Variants in ZNF717 observed in about 807,000 individuals in gnomAD.
ZNF717 encodes zinc finger protein 717.
ZNF717 carries 9 observed loss-of-function variants against 13.8 expected under a neutral mutation model. The observed-to-expected ratio is 0.65, with a 90% confidence interval of 0.39 to 1.14. The LOEUF (loss-of-function observed/expected upper bound fraction) is 1.14, where lower values mean the gene tolerates loss of function less well. Among genes scored for constraint, ZNF717 ranks in the 50% most tolerant of loss-of-function variants. The pLI, the probability that ZNF717 is intolerant of heterozygous loss-of-function variation, is 0.01. For synonymous variants in ZNF717, 327 were observed against 364.1 expected (o/e 0.90, Z 1.16); for missense variants, 1,040 against 1,080.7 (o/e 0.96, Z 0.53).
At chr3:75,764,641 C>T (rs868855214) in intron 2 of ZNF717, among the ~76,000 whole-genome samples, 2 of 152,174 alleles carry the variant, frequency 1.3e-5, no homozygotes, top group Non-Finnish European at 2.9e-5. Flanking sequence ...AGATGATATA[C>T]AAATAGCCAA....
intron 2 of ZNF717, among the ~76,000 whole-genome samples, chr3:75,779,436 T>C (rs1232539174): frequency 6.7e-6 from 1 of 149,704 alleles, no homozygotes; most frequent in African/African-American, 2.5e-5. Flanking sequence ...GGGAGTGATG[T>C]GCTAAAACCG....
At chr3:75,724,277 A>C (rs74219523) in intron 4 of ZNF717, among the ~76,000 whole-genome samples, 6 of 148,910 alleles carry the variant, frequency 4.0e-5, no homozygotes, top group African/African-American at 1.5e-4. Flanking sequence ...CCGGGCCCAA[A>C]TGTCTTTTCC....
chr3:75,739,387 T>C (rs547535176), intron 4 of ZNF717, 42 bp from the exon 5 acceptor site: 2 of 1,395,796 alleles, frequency 1.4e-6, no homozygotes, highest in Admixed American at 3.1e-5. Flanking sequence ...CACATGAGCA[T>C]GTCTTACAGA....
At chr3:75,701,263 T>C (rs1937689929) in intron 6 of ZNF717, among the ~76,000 whole-genome samples, 2 of 152,416 alleles carry the variant, frequency 1.3e-5, no homozygotes, top group Non-Finnish European at 2.9e-5. Context: ...ATACATGCTC[T>C]CGTCTGGTGT....
In ZNF717 at chr3:75,737,220, G is replaced by A. The variant is rs2107025768; in HGVS notation, c.2403C>T (p.Leu801=). ...CRKTFYDKTV[L]TIHQRTHTGE... ...CTGTGTGAGTTCTCTGATGTATGGT[G>A]AGAACTGTCTTATCGTAAAAAGTTT... The change falls in exon 5 of 5, where the codon CTC becomes CTT. Residue 801 remains leucine, a synonymous_variant. Coordinates refer to ENST00000652011, the MANE Select transcript of ZNF717 (RefSeq NM_001290208.3). The A allele has an allele frequency of 4.5e-6, 7 of 1,553,698 alleles. No homozygotes were observed. The highest frequency in any genetic ancestry group is 6.1e-6 in the Non-Finnish European group (7 of 1,148,340).
chr3:75,765,149 A>G (rs1475857191), intron 2 of ZNF717, among the ~76,000 whole-genome samples: 7 of 151,726 alleles, frequency 4.6e-5, no homozygotes, highest in Non-Finnish European at 8.8e-5. Flanking sequence ...ACAAAACAAC[A>G]AATATTATAT....
At chr3:75,768,501 G>A (rs1559669844) in intron 2 of ZNF717, among the ~76,000 whole-genome samples, 1 of 148,694 alleles carries the variant, frequency 6.7e-6, no homozygotes. Flanking sequence ...CAGATGACAG[G>A]CCACCACAAC....
At chr3:75,703,545 T>A (rs1937739316) in intron 6 of ZNF717, among the ~76,000 whole-genome samples, 1 of 151,552 alleles carries the variant, frequency 6.6e-6, no homozygotes, top group African/African-American at 2.4e-5. Context: ...ATAATAATAA[T>A]AAATAAATAA....
intron 2 of ZNF717, among the ~76,000 whole-genome samples, chr3:75,755,946 G>A (rs1205862774): frequency 6.6e-6 from 1 of 152,250 alleles, no homozygotes; most frequent in Non-Finnish European, 1.5e-5. Flanking sequence ...GAGATTGTCA[G>A]AGTCTATCAA....
chr3:75,718,235 T>A (rs1427809269), intron 4 of ZNF717, among the ~76,000 whole-genome samples: 1 of 151,964 alleles, frequency 6.6e-6, no homozygotes, highest in African/African-American at 2.4e-5. Flanking sequence ...CCAGGCCAAG[T>A]GGGTTCTAGC....
intron 6 of ZNF717, among the ~76,000 whole-genome samples, chr3:75,695,749 A>G (rs1247967206): frequency 1.3e-5 from 2 of 152,274 alleles, no homozygotes; most frequent in East Asian, 3.8e-4. Flanking sequence ...AAAGTTAAGA[A>G]GAAAATAGAA....
At chr3:75,774,108 T>C (rs1944112596) in intron 2 of ZNF717, among the ~76,000 whole-genome samples, 2 of 152,150 alleles carry the variant, frequency 1.3e-5, no homozygotes, top group Non-Finnish European at 2.9e-5. Context: ...TTGGGTGACA[T>C]TTGGCTTTCT....
chr3:75,760,595 A>G (rs184095051), intron 2 of ZNF717, among the ~76,000 whole-genome samples: 1 of 152,174 alleles, frequency 6.6e-6, no homozygotes, highest in Non-Finnish European at 1.5e-5. Flanking sequence ...AAGAAGAAAG[A>G]TCTCAAACCC....
chr3:75,704,637 T>A (rs1309350666), intron 6 of ZNF717, among the ~76,000 whole-genome samples: 17 of 152,302 alleles, frequency 1.1e-4, no homozygotes, highest in Admixed American at 7.8e-4. Context: ...CTAAACAAGA[T>A]GTTTGCCACT....
Position 75,745,922 on chromosome 3 carries a change from G to A in ZNF717, c.58-4186C>T, listed in dbSNP as rs1414609887. On this transcript the variant is annotated intron_variant, in intron 2 of 4. Coordinates refer to ENST00000652011, the MANE Select transcript of ZNF717 (RefSeq NM_001290208.3). The stretch of plus-strand genomic sequence containing the variant: ...AAGATCTAGGATACATGTGCACAAC[G>A]TGCAGGTTTCTTACATATGTATACG... Among the ~76,000 whole-genome samples the A allele has an allele frequency of 4.0e-5, 6 of 151,314 alleles. No homozygotes were observed. In the East Asian group the frequency reaches 5.8e-4, roughly 15 times the overall value.
In ZNF717 at chr3:75,775,232, G is replaced by A. The variant is rs1324733178; in HGVS notation, c.57+8074C>T. 9.2e-5 allele frequency among the ~76,000 whole-genome samples: 14 copies of A among 152,214 alleles called. No homozygotes were observed. In the East Asian group the frequency reaches 2.0e-3, roughly 21 times the overall value. Reference sequence around the variant, plus strand: ...ACCTACCTTGGCCTCCCAAACAGCTGGGATTACAGGCATGAGCCACCACAT... The same window carrying A: ...ACCTACCTTGGCCTCCCAAACAGCTAGGATTACAGGCATGAGCCACCACAT... On this transcript the variant is annotated intron_variant, in intron 2 of 4. Coordinates refer to ENST00000652011, the MANE Select transcript of ZNF717 (RefSeq NM_001290208.3).
chr3:75,756,417 G>T (rs1942478589), intron 2 of ZNF717, among the ~76,000 whole-genome samples: 1 of 152,250 alleles, frequency 6.6e-6, no homozygotes, highest in Admixed American at 6.5e-5. Context: ...CCAAAAGGAA[G>T]AAATAATTAA....
At chr3:75,768,797 C>T (rs7431564) in intron 2 of ZNF717, among the ~76,000 whole-genome samples, 2 of 150,106 alleles carry the variant, frequency 1.3e-5, no homozygotes, top group African/African-American at 4.9e-5. Context: ...AGATGACAGG[C>T]CACCACAACC....
downstream of ZNF717, among the ~76,000 whole-genome samples, chr3:75,731,804 T>A (rs2106915561): frequency 6.6e-6 from 1 of 152,350 alleles, no homozygotes; most frequent in South Asian, 2.1e-4. Context: ...CAACAATCCT[T>A]TTTGGATTTG....
Sources: allele counts gnomAD v4.1 joint callset (sites outside exome capture counted in the v4.1 genomes callset), GRCh38; gene constraint gnomAD v4.1.1; transcripts MANE v1.5; gene names NCBI Gene and HGNC (gene_info 2026-07-23, HGNC 2026-07-21).